Variants in IL1RAP observed in about 807,000 individuals in gnomAD.
IL1RAP encodes interleukin-1 receptor accessory protein.
IL1RAP carries 35 observed loss-of-function variants against 60.7 expected under a neutral mutation model. The observed-to-expected ratio is 0.58, with a 90% CI of 0.44 to 0.76. IL1RAP has a LOEUF of 0.76. IL1RAP is among the 30% of genes least tolerant of loss of function. IL1RAP has a pLI of 0.00. For missense variants in IL1RAP, 572 were observed against 693.9 expected, an observed-to-expected ratio of 0.82 and a Z score of 1.97; for synonymous variants, 268 against 250.9, an observed-to-expected ratio of 1.07 and a Z score of -0.64.
intron 6 of IL1RAP, among the ~76,000 whole-genome samples, 163 bp downstream of exon 6, chr3:190,620,603 G>T (rs549960057): frequency 1.3e-5 from 2 of 152,092 alleles, no homozygotes; most frequent in African/African-American, 4.8e-5. Context: ...CATGCACATC[G>T]TAAGCATTCA....
At chr3:190,582,395 C>T (rs1728079507) in intron 3 of IL1RAP, among the ~76,000 whole-genome samples, 1 of 151,676 alleles carries the variant, frequency 6.6e-6, no homozygotes, top group Non-Finnish European at 1.5e-5. Flanking sequence ...TCTCGGCTCA[C>T]TGCAACCTCC....
chr3:190,574,711 A>G (rs1727286536), intron 3 of IL1RAP, among the ~76,000 whole-genome samples: 2 of 152,108 alleles, frequency 1.3e-5, no homozygotes, highest in African/African-American at 4.8e-5. Context: ...TTGAATGTGA[A>G]TTGTGAAATT....
At chr3:190,540,144 T>C (rs955363469) in intron 1 of IL1RAP, among the ~76,000 whole-genome samples, 1 of 152,112 alleles carries the variant, frequency 6.6e-6, no homozygotes, top group Admixed American at 6.5e-5. Context: ...CTAGGACATC[T>C]TGGATATGCA....
At chr3:190,639,810 C>A (rs1188701707) in intron 9 of IL1RAP, among the ~76,000 whole-genome samples, 1 of 152,128 alleles carries the variant, frequency 6.6e-6, no homozygotes, top group Non-Finnish European at 1.5e-5. Flanking sequence ...TAAAGCAGGT[C>A]TAAAATAGCC....
chr3:190,606,639 A>T (rs903159988), intron 4 of IL1RAP, among the ~76,000 whole-genome samples: 11 of 152,310 alleles, frequency 7.2e-5, no homozygotes, highest in Admixed American at 2.0e-4. Context: ...AGACCTGCAT[A>T]TACCTTTAAT....
At chr3:190,538,925 C>T (rs1361112884) in intron 1 of IL1RAP, among the ~76,000 whole-genome samples, 1 of 152,158 alleles carries the variant, frequency 6.6e-6, no homozygotes, top group Non-Finnish European at 1.5e-5. Context: ...TCCCTTCCTC[C>T]ATGATTGTAA....
At chr3:190,608,154 TCTG>T (rs954324946) in intron 4 of IL1RAP, among the ~76,000 whole-genome samples, 7 of 152,164 alleles carry the variant, frequency 4.6e-5, no homozygotes, top group African/African-American at 1.4e-4. Context: ...GGGGATATGT[TCTG>T]AGAAATATTT....
chr3:190,631,667 A>G (rs1400623887), intron 9 of IL1RAP, among the ~76,000 whole-genome samples: 1 of 152,252 alleles, frequency 6.6e-6, no homozygotes, highest in East Asian at 1.9e-4. Flanking sequence ...GGACATCAAG[A>G]AAAGACTAAG....
At chr3:190,598,147 G>A (rs76169630) in intron 3 of IL1RAP, among the ~76,000 whole-genome samples, 1,710 of 152,226 alleles carry the variant, frequency 0.011, 40 homozygotes, top group African/African-American at 0.039. Context: ...ATAGTCTTTC[G>A]TCTACCATCA....
intron 9 of IL1RAP, among the ~76,000 whole-genome samples, chr3:190,634,801 G>C (rs1363965542): frequency 1.4e-5 from 2 of 148,002 alleles, no homozygotes; most frequent in East Asian, 2.1e-4. Context: ...CTGCAAGCTC[G>C]GCCTCCCGGG....
At chr3:190,579,738 T>A (rs999956180) in intron 3 of IL1RAP, among the ~76,000 whole-genome samples, 1 of 152,128 alleles carries the variant, frequency 6.6e-6, no homozygotes, top group Admixed American at 6.5e-5. Context: ...CCACAACCCA[T>A]TCTCCCCCAC....
At position 190,648,469 on chromosome 3, in the gene IL1RAP, C is replaced by T. The variant is rs769353082; in HGVS notation, c.1477C>T (p.Arg493Trp). The change falls in exon 12 of 12, where the codon CGG becomes TGG. Residue 493 changes from arginine (R) to tryptophan (W), a missense_variant. By Grantham distance (101) the Arg-to-Trp change is moderately radical. Coordinates refer to ENST00000447382, the MANE Select transcript of IL1RAP (RefSeq NM_002182.4). ...LKAGLENMAS[R>W]GNINVILVQY... ...GGCTGGCCTAGAAAATATGGCCTCT[C>T]GGGGCAACATCAACGTCATTTTAGT... 17 of 1,613,868 alleles carry T rather than the reference C, an allele frequency of 1.1e-5. No individual in the cohort carries two copies. Among genetic ancestry groups the T allele is most frequent in the Admixed American group, 3.3e-5 (2 of 59,978 alleles).
At chr3:190,657,686 G>A (rs1002759958) in exon 12 of IL1RAP, 1 of 152,128 alleles carries the variant, frequency 6.6e-6, no homozygotes, top group African/African-American at 2.4e-5. Context: ...ACTCATATAA[G>A]GCACATGGCA....
chr3:190,596,415 C>G (rs766684805), intron 3 of IL1RAP, among the ~76,000 whole-genome samples: 48 of 151,864 alleles, frequency 3.2e-4, no homozygotes, highest in Non-Finnish European at 4.4e-5. Context: ...GTCTCCGTTT[C>G]CTGGCATGTA....
intron 9 of IL1RAP, among the ~76,000 whole-genome samples, chr3:190,640,829 A>T (rs1054955897): frequency 2.0e-5 from 3 of 152,244 alleles, no homozygotes; most frequent in African/African-American, 7.2e-5. Flanking sequence ...ATACTGATTT[A>T]AGGACTAACA....
At chr3:190,529,240 T>C (rs1259715715) in intron 1 of IL1RAP, among the ~76,000 whole-genome samples, 2 of 152,102 alleles carry the variant, frequency 1.3e-5, no homozygotes, top group Non-Finnish European at 2.9e-5. Flanking sequence ...CTGGCAGGAA[T>C]TGAAAGAGCA....
chr3:190,530,888 A>G (rs1722928814), intron 1 of IL1RAP, among the ~76,000 whole-genome samples: 1 of 152,192 alleles, frequency 6.6e-6, no homozygotes, highest in Non-Finnish European at 1.5e-5. Flanking sequence ...GGTCAGTTTT[A>G]TCTGAATTAT....
intron 3 of IL1RAP, among the ~76,000 whole-genome samples, chr3:190,590,154 A>G (rs1728818135): frequency 6.6e-6 from 1 of 152,130 alleles, no homozygotes; most frequent in South Asian, 2.1e-4. Context: ...ACCGCTAACA[A>G]CAGCTCTATG....
intron 3 of IL1RAP, among the ~76,000 whole-genome samples, chr3:190,589,483 C>T (rs3773964): frequency 0.17 from 25,380 of 152,072 alleles, 2,749 homozygotes; most frequent in East Asian, 0.44. Context: ...ACTGCACCGG[C>T]GTTTCGCAGG....
Sources: gnomAD v4.1 joint callset for allele counts (sites outside exome capture counted in the v4.1 genomes callset) on GRCh38, gnomAD v4.1.1 for gene constraint, MANE v1.5 for transcripts, NCBI Gene and HGNC (gene_info 2026-07-23, HGNC 2026-07-21) for gene names.